LRRTM4: variants seen among roughly 807,000 people sequenced by gnomAD.
LRRTM4 encodes leucine rich repeat transmembrane neuronal 4, also known as leucine-rich repeat transmembrane neuronal protein 4.
Under a neutral mutation model 47.6 loss-of-function variants are expected in LRRTM4, and 25 were observed. That is an observed-to-expected ratio of 0.53 (90% confidence interval 0.38 to 0.73). LRRTM4 has a LOEUF of 0.73. Ranked by LOEUF, LRRTM4 falls within the 30% of genes least tolerant of loss-of-function variation. The pLI, the probability that LRRTM4 is intolerant of heterozygous loss-of-function variation, is 0.00. For missense variants in LRRTM4, 638 were observed against 713.4 expected, an observed-to-expected ratio of 0.89 and a Z score of 1.20; for synonymous variants, 311 against 269.5, an observed-to-expected ratio of 1.15 and a Z score of -1.51.
chr2:76,808,495 G>A (rs750729641), intron 3 of LRRTM4, among the ~76,000 whole-genome samples: 8 of 150,776 alleles, frequency 5.3e-5, no homozygotes, highest in Non-Finnish European at 1.0e-4. Context: ...GGAACTACCT[G>A]AAATCCAATC....
intron 3 of LRRTM4, among the ~76,000 whole-genome samples, chr2:77,123,016 TA>T (rs1671559168): frequency 6.6e-6 from 1 of 151,794 alleles, no homozygotes; most frequent in South Asian, 2.1e-4. Flanking sequence ...CTCAATGTGT[TA>T]AGAACAAAGA....
intron 3 of LRRTM4, among the ~76,000 whole-genome samples, chr2:76,844,020 G>C (rs1671767062): frequency 6.6e-6 from 1 of 150,468 alleles, no homozygotes; most frequent in Non-Finnish European, 1.5e-5. Flanking sequence ...TCCTGCCTCA[G>C]CCTCCCGATT....
chr2:77,111,988 A>T (rs1165234837), intron 3 of LRRTM4, among the ~76,000 whole-genome samples: 1 of 152,208 alleles, frequency 6.6e-6, no homozygotes, highest in East Asian at 1.9e-4. Context: ...TGTGAAAAGT[A>T]GCCTGCAAGT....
chr2:77,175,704 G>T (rs1454761558), intron 3 of LRRTM4, among the ~76,000 whole-genome samples: 1 of 152,096 alleles, frequency 6.6e-6, no homozygotes, highest in Non-Finnish European at 1.5e-5. Flanking sequence ...CCACCATCAT[G>T]ATAGCCCCTT....
rs191754226 is a variant in LRRTM4, at chr2:77,340,861, A to T, written c.1551+177457T>A. ...AATTTCAAAGTAAAGAAGATGTTTT[A>T]AAAAGTTAGTTGGTGAGAGTATAGA... is the stretch of plus-strand genomic sequence containing the variant. On this transcript the variant is annotated intron_variant, in intron 3 of 3. Coordinates refer to ENST00000409884, the MANE Select transcript of LRRTM4 (RefSeq NM_001134745.3). Among the ~76,000 whole-genome samples, 636 of 152,098 alleles carry T rather than the reference A, an allele frequency of 4.2e-3. 6 individuals are homozygous for T. The highest frequency in any genetic ancestry group is 0.014 in the African/African-American group (578 of 41,542).
intron 3 of LRRTM4, among the ~76,000 whole-genome samples, chr2:77,347,153 C>A (rs1198920943): frequency 6.6e-6 from 1 of 152,152 alleles, no homozygotes; most frequent in Non-Finnish European, 1.5e-5. Context: ...GACCGTAACT[C>A]CTATCAAGTG....
At chr2:76,906,298 A>G (rs1343569303) in intron 3 of LRRTM4, among the ~76,000 whole-genome samples, 1 of 152,190 alleles carries the variant, frequency 6.6e-6, no homozygotes, top group East Asian at 1.9e-4. Flanking sequence ...GCAAATGCTC[A>G]GAGATTTTGT....
intron 3 of LRRTM4, among the ~76,000 whole-genome samples, chr2:77,106,609 T>G (rs1465676266): frequency 6.6e-6 from 1 of 152,046 alleles, no homozygotes; most frequent in Non-Finnish European, 1.5e-5. Context: ...TGTAGTGAGA[T>G]AGACACCCAA....
chr2:77,207,142 T>TTATATA lies in LRRTM4; in HGVS notation c.1551+311170_1551+311175dup, dbSNP rs35745580. 5.6e-3 allele frequency among the ~76,000 whole-genome samples: 765 copies of TTATATA among 136,802 alleles called. 6 individuals are homozygous for TTATATA. The highest frequency in any genetic ancestry group is 0.011 in the African/African-American group (415 of 37,034). The allele number at this position is 136,802 out of a possible 152,430, so 89.7% of individuals were successfully genotyped here. Reference sequence around the variant, plus strand: ...AAAGAAACTCACATATATTTTATATTTATATATATATATATATATATAGAA... The same window carrying TTATATA: ...AAAGAAACTCACATATATTTTATATTTATATATATATATATATATATATATATAGAA... On this transcript the variant is annotated intron_variant, in intron 3 of 3. Coordinates refer to ENST00000409884, the MANE Select transcript of LRRTM4 (RefSeq NM_001134745.3).
At chr2:76,935,741 G>C (rs1213491352) in intron 3 of LRRTM4, among the ~76,000 whole-genome samples, 1 of 152,096 alleles carries the variant, frequency 6.6e-6, no homozygotes, top group African/African-American at 2.4e-5. Flanking sequence ...AGGAGATTTT[G>C]GGCTGAGACA....
intron 3 of LRRTM4, among the ~76,000 whole-genome samples, chr2:77,485,922 G>A (rs959691524): frequency 1.3e-4 from 20 of 151,428 alleles, no homozygotes; most frequent in African/African-American, 4.6e-4. Context: ...ATTTTTAGGG[G>A]AGACGTGGTT....
chr2:77,255,809 G>A (rs1675749963), intron 3 of LRRTM4, among the ~76,000 whole-genome samples: 1 of 151,964 alleles, frequency 6.6e-6, no homozygotes. Flanking sequence ...ACAATTTATA[G>A]CATTAACCAA....
At chr2:77,075,678 G>A (rs1680308600) in intron 3 of LRRTM4, among the ~76,000 whole-genome samples, 1 of 151,818 alleles carries the variant, frequency 6.6e-6, no homozygotes, top group African/African-American at 2.4e-5. Context: ...CACTTTGGGA[G>A]GCCGAGGCGG....
At chr2:77,140,266 C>T (rs887839629) in intron 3 of LRRTM4, among the ~76,000 whole-genome samples, 4 of 152,062 alleles carry the variant, frequency 2.6e-5, no homozygotes, top group Admixed American at 6.6e-5. Context: ...GGTACTGGTA[C>T]CAAAACAAAG....
chr2:76,769,967 C>T (rs1673622911), intron 3 of LRRTM4, among the ~76,000 whole-genome samples: 1 of 152,138 alleles, frequency 6.6e-6, no homozygotes. Context: ...ATCCCCATCC[C>T]AGACCTACTC....
intron 3 of LRRTM4, among the ~76,000 whole-genome samples, chr2:76,794,472 C>G (rs1045682488): frequency 5.3e-5 from 8 of 152,188 alleles, no homozygotes; most frequent in Middle Eastern, 3.4e-3. Flanking sequence ...TTTTTTCTTT[C>G]TTTCAAAATT....
intron 3 of LRRTM4, among the ~76,000 whole-genome samples, chr2:77,004,255 C>T (rs534074914): frequency 8.5e-4 from 130 of 152,290 alleles, no homozygotes; most frequent in Non-Finnish European, 1.5e-3. Context: ...TAAGCTCAGA[C>T]GCCTAGGAGG....
chr2:76,990,792 A>G (rs1676977297), intron 3 of LRRTM4, among the ~76,000 whole-genome samples: 1 of 151,764 alleles, frequency 6.6e-6, no homozygotes, highest in African/African-American at 2.4e-5. Flanking sequence ...TACTTGACCA[A>G]TTGGACCTAA....
intron 3 of LRRTM4, among the ~76,000 whole-genome samples, chr2:77,471,786 T>C (rs1478633319): frequency 6.6e-6 from 1 of 152,190 alleles, no homozygotes; most frequent in Non-Finnish European, 1.5e-5. Context: ...AGCAGCAGGA[T>C]TCTCTAGCTC....
Sources: gnomAD v4.1 joint callset for allele counts (sites outside exome capture counted in the v4.1 genomes callset) on GRCh38, gnomAD v4.1.1 for gene constraint, MANE v1.5 for transcripts, NCBI Gene and HGNC (gene_info 2026-07-23, HGNC 2026-07-21) for gene names.